Variants in STK10 observed in about 807,000 individuals in gnomAD.
STK10 encodes the protein serine/threonine-protein kinase 10.
A neutral mutation model predicts 113.8 loss-of-function variants in STK10; 78 were observed. The ratio of observed to expected loss-of-function variants is 0.69; its 90% CI spans 0.57 to 0.83. The LOEUF (loss-of-function observed/expected upper bound fraction) is 0.83, where lower values mean the gene tolerates loss of function less well. Ranked by LOEUF, STK10 falls within the 40% of genes least tolerant of loss-of-function variation. STK10 has a pLI of 0.00. For missense variants in STK10, 1,109 were observed against 1,280.1 expected, an observed-to-expected ratio of 0.87 and a Z score of 2.04; for synonymous variants, 465 against 494.7, an observed-to-expected ratio of 0.94 and a Z score of 0.80.
chr5:172,188,068 C>T lies in STK10; in HGVS notation c.-26G>A. The T allele has an allele frequency of 6.3e-7, 1 of 1,585,024 alleles. No individual in the cohort carries two copies. Among genetic ancestry groups the T allele is most frequent in the Non-Finnish European group, 8.6e-7 (1 of 1,163,188 alleles). ...GGCCGGGGGCGCGGTGGCGCCGGCT[C>T]GGGCTCGGGCTCGGGCTCGGGCTGT... On this transcript the variant is annotated 5_prime_UTR_variant, in exon 1 of 19. Transcript: ENST00000176763. This position sits in a 1 kb window ranked among gnomAD's most constrained non-coding sequence, Gnocchi z 5.6.
chr5:172,062,020 C>A (rs1767948500), intron 13 of STK10, among the ~76,000 whole-genome samples: 1 of 150,652 alleles, frequency 6.6e-6, no homozygotes, highest in Non-Finnish European at 1.5e-5. Flanking sequence ...CTCTGTCACC[C>A]AGGCTGGAGT....
intron 4 of STK10, among the ~76,000 whole-genome samples, chr5:172,113,917 A>AG (rs1193229457): frequency 6.6e-6 from 1 of 151,990 alleles, no homozygotes; most frequent in African/African-American, 2.4e-5. Context: ...CCATCTCAAA[A>AG]AAAAAAAAAA....
chr5:172,057,011 A>AAGAAAGAAAG (rs1767815189), intron 15 of STK10: 1 of 137,494 alleles, frequency 7.3e-6, no homozygotes, highest in African/African-American at 2.8e-5. Flanking sequence ...GAAGGAAAGA[A>AAGAAAGAAAG]AGAAAGAAAG....
intron 1 of STK10, among the ~76,000 whole-genome samples, chr5:172,172,093 G>C (rs1581190213): frequency 6.6e-6 from 1 of 152,312 alleles, no homozygotes; most frequent in South Asian, 2.1e-4. Flanking sequence ...GGGAGGCTGA[G>C]GCAGGAGAAT....
intron 6 of STK10, among the ~76,000 whole-genome samples, chr5:172,105,955 G>A (rs577748021): frequency 7.9e-5 from 12 of 152,318 alleles, no homozygotes; most frequent in African/African-American, 2.6e-4. Context: ...ACGTGCCCAG[G>A]CCACGCAGTG....
chr5:172,100,378 G>A (rs1768961148), intron 7 of STK10, among the ~76,000 whole-genome samples: 1 of 152,188 alleles, frequency 6.6e-6, no homozygotes, highest in Admixed American at 6.5e-5. Flanking sequence ...TCTCTAGCCA[G>A]GGCCTCCCCT....
At chr5:172,066,644 C>T (rs576357030) in intron 12 of STK10, among the ~76,000 whole-genome samples, 52 of 152,252 alleles carry the variant, frequency 3.4e-4, no homozygotes, top group African/African-American at 1.0e-3. Flanking sequence ...AAAAATCAGC[C>T]GGGTGTGGTG....
chr5:172,136,113 A>T (rs751134154), intron 2 of STK10, among the ~76,000 whole-genome samples: 8 of 152,176 alleles, frequency 5.3e-5, no homozygotes, highest in Non-Finnish European at 8.8e-5. Context: ...GAAATGAAAA[A>T]GGGGACACAT....
chr5:172,052,778 G>T, intron 18 of STK10, 151 bp downstream of exon 18: 1 of 723,240 alleles, frequency 1.4e-6, no homozygotes, highest in Non-Finnish European at 2.3e-6. Flanking sequence ...GGGTTAGAAA[G>T]TTCCCCTCTC....
intron 2 of STK10, among the ~76,000 whole-genome samples, chr5:172,146,367 G>T (rs1174345596): frequency 1.3e-5 from 2 of 152,172 alleles, no homozygotes; most frequent in Non-Finnish European, 2.9e-5. Flanking sequence ...GGGGACAGAG[G>T]CCACGATAGC....
Position 172,058,990 on chromosome 5 carries a change from G to A in STK10, c.2213-1517C>T, listed in dbSNP as rs191275381. On this transcript the variant is annotated intron_variant, in intron 14 of 18. Transcript: ENST00000176763. The stretch of plus-strand genomic sequence containing the variant: ...TGTAATCCTAGCACTTTGGGAGGCC[G>A]ACGCAGGCAGATCACAAGGTCAGGA... 3.1e-3 allele frequency among the ~76,000 whole-genome samples: 463 copies of A among 151,392 alleles called. 2 individuals carry two copies. The highest frequency in any genetic ancestry group is 0.01 in the African/African-American group (422 of 41,232).
At chr5:172,055,101 G>C (rs140443837) in intron 16 of STK10, among the ~76,000 whole-genome samples, 81 of 152,342 alleles carry the variant, frequency 5.3e-4, no homozygotes, top group Middle Eastern at 3.4e-3. Context: ...TCCACACACA[G>C]AGGTGAATTC....
intron 2 of STK10, among the ~76,000 whole-genome samples, chr5:172,148,806 G>C (rs1770143289): frequency 6.6e-6 from 1 of 152,240 alleles, no homozygotes; most frequent in Admixed American, 6.5e-5. Flanking sequence ...ACCTGGGCTG[G>C]AGCCTGGCTC....
In STK10 at chr5:172,106,694, G is replaced by A. The variant is rs115846639; in HGVS notation, c.714C>T (p.His238=). 3.1e-4 allele frequency: 494 copies of A among 1,614,106 alleles called. 1 individual carries two copies. In the African/African-American group the frequency reaches 6.0e-3, roughly 20 times the overall value. The stretch of plus-strand genomic sequence containing the variant: ...GCAGGACCCGCATGGGGTTGAGCTC[G>A]TGGTGTGGCGGCTCGATCTGGGCCA... The part of the protein sequence containing the change: ...IEMAQIEPPH[H]ELNPMRVLLK... The change falls in exon 6 of 19, where the codon CAC becomes CAT. Residue 238 remains histidine, a synonymous_variant. Transcript: ENST00000176763.
intron 3 of STK10, among the ~76,000 whole-genome samples, chr5:172,119,150 C>T (rs1277945670): frequency 1.3e-5 from 2 of 151,980 alleles, no homozygotes; most frequent in African/African-American, 4.8e-5. Context: ...GGCCAGGGCC[C>T]TTCTTCCCTG....
In STK10 at chr5:172,043,934, AG is replaced by A. The variant is rs1767438219; in HGVS notation, c.*947del. 6.6e-6 allele frequency: 1 copy of A among 152,362 alleles called. No homozygotes were observed. Among genetic ancestry groups the A allele is most frequent in the Non-Finnish European group, 1.5e-5 (1 of 68,150 alleles). The allele number at this position is 152,362 out of a possible 1,614,324, so 9.4% of individuals were successfully genotyped here. ...GACAGGGTGGGCCAGAGTGCTATGG[AG>A]CAGACTGGGTTGTGGAAGCCTCGTG... On this transcript the variant is annotated 3_prime_UTR_variant, in exon 19 of 19. Coordinates refer to ENST00000176763, the MANE Select transcript of STK10 (RefSeq NM_005990.4).
At position 172,064,741 on chromosome 5, in the gene STK10, GTGCTCCTCCATCTTCTGCTTCA is replaced by G; in HGVS notation, c.2039_2060del (p.Met680ThrfsTer13). ...TCACAAGAAGCTGCTTTTTCTGCGTGTGCTCCTCCATCTTCTGCTTCATGCTTTCCTTCCGCTGCTGTCGGGG... is the reference window on the plus strand; with the variant it reads ...TCACAAGAAGCTGCTTTTTCTGCGTGTGCTTTCCTTCCGCTGCTGTCGGGG... On this transcript the variant is annotated frameshift_variant, in exon 13 of 19. Coordinates refer to ENST00000176763, the MANE Select transcript of STK10 (RefSeq NM_005990.4). LOFTEE classifies it high-confidence loss of function. The G allele has an allele frequency of 6.2e-7, 1 of 1,614,126 alleles. No individual in the cohort carries two copies. The highest frequency in any genetic ancestry group is 8.5e-7 in the Non-Finnish European group (1 of 1,180,016).
rs146417178 is a variant in STK10, at chr5:172,106,673, G to C, written c.735C>G (p.Val245=). 9.9e-6 allele frequency: 16 copies of C among 1,613,722 alleles called. No individual in the cohort carries two copies. In the African/African-American group the frequency reaches 1.6e-4, roughly 16 times the overall value. The part of the protein sequence containing the change: ...PPHHELNPMR[V]LLKIAKSDPP... ...GGTCCGACTTGGCGATCTTTAGCAG[G>C]ACCCGCATGGGGTTGAGCTCGTGGT... Residue 245 remains valine (V), a synonymous_variant, in exon 6 of 19, where the codon GTC becomes GTG. Transcript: ENST00000176763.
At chr5:172,127,303 C>T (rs1469640522) in intron 3 of STK10, 70 bp downstream of exon 3, 9 of 1,568,810 alleles carry the variant, frequency 5.7e-6, no homozygotes, top group Non-Finnish European at 5.2e-6. Flanking sequence ...CAGAGCTGTC[C>T]AGCAGTCAGG....
Sources: allele counts gnomAD v4.1 joint callset (sites outside exome capture counted in the v4.1 genomes callset), GRCh38; gene constraint gnomAD v4.1.1; non-coding constraint Gnocchi (gnomAD v3.1); transcripts MANE v1.5; gene names NCBI Gene and HGNC (gene_info 2026-07-23, HGNC 2026-07-21).